PMS2: variants seen among roughly 807,000 people sequenced by gnomAD.
PMS2 encodes the protein mismatch repair endonuclease PMS2.
A neutral mutation model predicts 90.0 loss-of-function variants in PMS2; 69 were observed. That is an observed-to-expected ratio of 0.77 (90% CI 0.63 to 0.94). The LOEUF is 0.94. Among genes scored for constraint, PMS2 ranks in the 40% least tolerant of loss-of-function variants. The pLI is 0.00. For missense variants in PMS2, 966 were observed against 1,040.2 expected (o/e 0.93, Z 0.98); for synonymous variants, 332 against 375.1 (o/e 0.89, Z 1.33).
chr7:6,001,197 A>G (rs551038306), intron 5 of PMS2, among the ~76,000 whole-genome samples: 2 of 152,094 alleles, frequency 1.3e-5, no homozygotes, highest in Admixed American at 6.5e-5. Context: ...CAGCCTTTAT[A>G]CTATACACAT....
intron 6 of PMS2, among the ~76,000 whole-genome samples, chr7:5,997,816 G>A (rs148200840): frequency 1.3e-5 from 2 of 152,154 alleles, no homozygotes; most frequent in Non-Finnish European, 2.9e-5. Flanking sequence ...TTGTTGGCCG[G>A]GTGGTTCAAA....
chr7:6,002,614 G>C lies in PMS2; in HGVS notation c.376C>G (p.His126Asp), dbSNP rs774135207. 3.1e-6 allele frequency: 5 copies of C among 1,611,852 alleles called. No individual in the cohort carries two copies. Among genetic ancestry groups the C allele is most frequent in the Non-Finnish European group, 4.2e-6 (5 of 1,179,694 alleles). Residue 126 changes from histidine to aspartate, a missense_variant, in exon 5 of 15, where the codon CAC becomes GAC. Physicochemically the swap from His to Asp is moderately conservative, Grantham distance 81. Coordinates refer to ENST00000265849, the MANE Select transcript of PMS2 (RefSeq NM_000535.7). ...ALSDVTISTC[H>D]ASAKVGTRLM... is the part of the protein sequence containing the mutation. ...CGAGTTCCAACCTTCGCCGATGCGT[G>C]GCAGGTAGAAATGGTGACATCGCTG...
intron 1 of PMS2, among the ~76,000 whole-genome samples, chr7:6,008,032 G>C (rs974148810): frequency 1.1e-4 from 17 of 151,842 alleles, no homozygotes; most frequent in African/African-American, 4.1e-4. Context: ...GTTAATTTTT[G>C]TATTTTTAGT....
At chr7:6,005,194 T>C (rs886072257) in intron 2 of PMS2, among the ~76,000 whole-genome samples, 1 of 151,612 alleles carries the variant, frequency 6.6e-6, no homozygotes, top group African/African-American at 2.4e-5. Flanking sequence ...TGTGAGCCAC[T>C]ACTCCAGCCC....
intron 1 of PMS2, among the ~76,000 whole-genome samples, chr7:6,006,833 C>G (rs1785828283): frequency 6.6e-6 from 1 of 152,106 alleles, no homozygotes; most frequent in Non-Finnish European, 1.5e-5. Flanking sequence ...CAAAGACCCT[C>G]AAAGCTCTTG....
intron 4 of PMS2, among the ~76,000 whole-genome samples, chr7:6,002,965 T>G (rs1785270068): frequency 6.6e-6 from 1 of 152,110 alleles, no homozygotes; most frequent in African/African-American, 2.4e-5. Flanking sequence ...TCGAACAAAT[T>G]TTTTTTAAAG....
chr7:5,990,208 G>A (rs907869389), intron 9 of PMS2, among the ~76,000 whole-genome samples: 3 of 152,170 alleles, frequency 2.0e-5, no homozygotes, highest in East Asian at 1.9e-4. Context: ...GGGTTTCACC[G>A]TGTTGGCCAG....
chr7:5,977,112 T>C (rs1781749928), intron 14 of PMS2, among the ~76,000 whole-genome samples: 1 of 151,040 alleles, frequency 6.6e-6, no homozygotes, highest in African/African-American at 2.4e-5. Context: ...TGGAGTGCAG[T>C]GGTATGAACT....
chr7:6,006,848 A>C (rs1382219261), intron 1 of PMS2, among the ~76,000 whole-genome samples: 1 of 152,124 alleles, frequency 6.6e-6, no homozygotes, highest in African/African-American at 2.4e-5. Flanking sequence ...CTCTTGCTGT[A>C]CTAGCTTTAA....
intron 14 of PMS2, among the ~76,000 whole-genome samples, chr7:5,975,938 C>A (rs1420407131): frequency 8.6e-4 from 114 of 132,914 alleles, no homozygotes; most frequent in African/African-American, 2.8e-3. Context: ...TTGTCATTTC[C>A]TGCCCCAAAA....
At chr7:5,991,807 C>A (rs1033869236) in intron 9 of PMS2, among the ~76,000 whole-genome samples, 166 bp downstream of exon 9, 1 of 152,056 alleles carries the variant, frequency 6.6e-6, no homozygotes, top group Non-Finnish European at 1.5e-5. Flanking sequence ...CCACCACACT[C>A]CAGCCTGGGT....
chr7:5,978,780 C>T (rs949052700), intron 12 of PMS2, 84 bp from the exon 13 acceptor site: 9 of 1,296,808 alleles, frequency 6.9e-6, no homozygotes, highest in African/African-American at 4.5e-5. Flanking sequence ...AACAACAATA[C>T]TGTATTTTGA....
At chr7:5,988,057 A>C (rs1344829983) in intron 10 of PMS2, among the ~76,000 whole-genome samples, 4 of 149,172 alleles carry the variant, frequency 2.7e-5, no homozygotes, top group Admixed American at 6.7e-5. Flanking sequence ...TGTCTCAAAA[A>C]AAAAAAAAAA....
intron 1 of PMS2, among the ~76,000 whole-genome samples, chr7:6,007,922 C>G (rs185287692): frequency 4.0e-5 from 6 of 148,694 alleles, no homozygotes; most frequent in Non-Finnish European, 8.9e-5. Context: ...TGCAGTGGCA[C>G]GATCTCAGCT....
At position 5,995,874 on chromosome 7, in the gene PMS2, G is replaced by A. The variant is rs1001523298; in HGVS notation, c.804-241C>T. 8.5e-5 allele frequency among the ~76,000 whole-genome samples: 13 copies of A among 152,110 alleles called. No homozygotes were observed. In the South Asian group the frequency reaches 1.0e-3, roughly 12 times the overall value. On this transcript the variant is annotated intron_variant, in intron 7 of 14. Coordinates refer to ENST00000265849, the MANE Select transcript of PMS2 (RefSeq NM_000535.7). ...CAATGCACCACAGGTGATGCAGTGC[G>A]TCCAAAACTGATGTGTTGCAGCTCT...
At position 5,987,051 on chromosome 7, in the gene PMS2, C is replaced by T. The variant is rs63751023; in HGVS notation, c.1714G>A (p.Ala572Thr). ...FRVLPQPTNL[A>T]TPNTKRFKKE... The stretch of plus-strand genomic sequence containing the variant: ...TTAAAACGCTTTGTGTTTGGGGTTG[C>T]GAGATTAGTTGGCTGAGGCAAAACT... The change falls in exon 11 of 15, where the codon GCA becomes ACA. Residue 572 changes from alanine (A) to threonine (T), a missense_variant. Around this residue, in one of 2 missense-constraint regions of PMS2, gnomAD observed 871 missense variants for 802.4 expected, o/e 1.09. Transcript: ENST00000265849. 6.7e-5 allele frequency: 108 copies of T among 1,614,098 alleles called. No homozygotes were observed. Among genetic ancestry groups the T allele is most frequent in the Admixed American group, 3.0e-4 (18 of 60,002 alleles).
chr7:5,981,079 T>C (rs989556209), intron 12 of PMS2, among the ~76,000 whole-genome samples: 1 of 151,816 alleles, frequency 6.6e-6, no homozygotes, highest in African/African-American at 2.4e-5. Context: ...GACCTCTTCT[T>C]CTAACTTTGC....
At chr7:5,997,721 T>C (rs538086732) in intron 6 of PMS2, among the ~76,000 whole-genome samples, 2 of 152,170 alleles carry the variant, frequency 1.3e-5, no homozygotes, top group South Asian at 2.1e-4. Context: ...GCTAATTTTT[T>C]AATTTTTTTG....
Position 5,992,074 on chromosome 7 carries a change from G to T in PMS2, c.904-17C>A, listed in dbSNP as rs758503886. ...TCTGCAGACCTGCACAAAATACAAG[G>T]AGTAGAAAAGAATAAATGACAAATG... On this transcript the variant is annotated splice_polypyrimidine_tract_variant and intron_variant, in intron 8 of 14. Coordinates refer to ENST00000265849, the MANE Select transcript of PMS2 (RefSeq NM_000535.7). The T allele has an allele frequency of 1.9e-5, 25 of 1,347,286 alleles. No homozygotes were observed. The highest frequency in any genetic ancestry group is 7.5e-6 in the Non-Finnish European group (7 of 937,222). The allele number at this position is 1,347,286 out of a possible 1,614,324, so 83.5% of individuals were successfully genotyped here.
Sources: allele counts gnomAD v4.1 joint callset (sites outside exome capture counted in the v4.1 genomes callset), GRCh38; gene constraint gnomAD v4.1.1; regional missense constraint gnomAD v4.1.1; transcripts MANE v1.5; gene names NCBI Gene and HGNC (gene_info 2026-07-23, HGNC 2026-07-21).